ADGRL3: variants seen among roughly 807,000 people sequenced by gnomAD.
ADGRL3 encodes the protein calcium-independent alpha-latrotoxin receptor 3.
A neutral mutation model predicts 153.5 loss-of-function variants in ADGRL3; 62 were observed. The ratio of observed to expected loss-of-function variants is 0.40; its 90% confidence interval spans 0.33 to 0.50. The LOEUF (loss-of-function observed/expected upper bound fraction) is 0.50. Among genes scored for constraint, ADGRL3 ranks in the 20% least tolerant of loss-of-function variants. The pLI, the probability that ADGRL3 is intolerant of heterozygous loss-of-function variation, is 0.47. For missense variants in ADGRL3, 1,641 were observed against 1,859.4 expected (o/e 0.88, Z 2.16); for synonymous variants, 710 against 672.5 (o/e 1.06, Z -0.86).
intron 5 of ADGRL3, among the ~76,000 whole-genome samples, chr4:61,607,125 G>C (rs1043253618): frequency 3.3e-5 from 5 of 152,078 alleles, no homozygotes; most frequent in Non-Finnish European, 5.9e-5. Context: ...TTGGTGGGTG[G>C]GGGACTAGGG....
intron 8 of ADGRL3, among the ~76,000 whole-genome samples, chr4:61,785,782 T>C (rs1201059130): frequency 6.6e-6 from 1 of 152,244 alleles, no homozygotes; most frequent in Non-Finnish European, 1.5e-5. Context: ...GCTTGATTAT[T>C]CTTAATGGTT....
chr4:61,456,495 CTATATCTA>C (rs2097757364), intron 2 of ADGRL3, among the ~76,000 whole-genome samples: 4 of 77,276 alleles, frequency 5.2e-5, no homozygotes, highest in Non-Finnish European at 8.6e-5. Context: ...ATAGATATAT[CTATATCTA>C]TATATATATA....
At chr4:61,845,578 C>T (rs542527789) in intron 9 of ADGRL3, among the ~76,000 whole-genome samples, 54 of 150,416 alleles carry the variant, frequency 3.6e-4, no homozygotes, top group Admixed American at 4.6e-4. Context: ...GTTGCCCAGG[C>T]AGGCCCTGAA....
At chr4:61,928,030 A>T (rs180989087) in intron 13 of ADGRL3, among the ~76,000 whole-genome samples, 10 of 150,812 alleles carry the variant, frequency 6.6e-5, no homozygotes, top group Non-Finnish European at 1.3e-4. Context: ...ATGTAACTGT[A>T]TATATAATAT....
At chr4:61,260,148 T>C (rs1013794905) in intron 1 of ADGRL3, among the ~76,000 whole-genome samples, 4 of 152,214 alleles carry the variant, frequency 2.6e-5, no homozygotes, top group Non-Finnish European at 5.9e-5. Context: ...GATGGTTTCA[T>C]TGAATAATAA....
intron 1 of ADGRL3, among the ~76,000 whole-genome samples, chr4:61,312,283 A>G (rs866173562): frequency 9.9e-5 from 15 of 152,184 alleles, no homozygotes; most frequent in African/African-American, 3.6e-4. Flanking sequence ...TCAAAGGTGG[A>G]TCAAGACCTA....
intron 1 of ADGRL3, among the ~76,000 whole-genome samples, chr4:61,238,441 TG>T (rs1397650903): frequency 8.3e-6 from 1 of 120,710 alleles, no homozygotes; most frequent in Non-Finnish European, 1.9e-5. Flanking sequence ...TTCTAATGTG[TG>T]GTGTGTGTGT....
chr4:61,904,439 C>T (rs956363514), intron 11 of ADGRL3, among the ~76,000 whole-genome samples: 5 of 151,984 alleles, frequency 3.3e-5, no homozygotes, highest in African/African-American at 1.2e-4. Context: ...GTGAGCCATT[C>T]GCCTGGCCTT....
At chr4:61,270,433 T>C (rs2093102649) in intron 1 of ADGRL3, among the ~76,000 whole-genome samples, 1 of 151,796 alleles carries the variant, frequency 6.6e-6, no homozygotes, top group Admixed American at 6.6e-5. Flanking sequence ...AATAATACTA[T>C]TTGTTTACTT....
intron 9 of ADGRL3, among the ~76,000 whole-genome samples, chr4:61,821,424 T>G (rs1162637695): frequency 6.6e-6 from 1 of 151,896 alleles, no homozygotes; most frequent in Non-Finnish European, 1.5e-5. Context: ...GTGCAATGGC[T>G]TGATCTCGTC....
At chr4:62,034,254 A>T (rs892612940) in intron 23 of ADGRL3, among the ~76,000 whole-genome samples, 4 of 151,902 alleles carry the variant, frequency 2.6e-5, no homozygotes, top group Middle Eastern at 3.4e-3. Flanking sequence ...TACATTTTCA[A>T]TACATAAAGT....
At chr4:61,575,732 A>G (rs918056107) in intron 4 of ADGRL3, among the ~76,000 whole-genome samples, 11 of 152,096 alleles carry the variant, frequency 7.2e-5, no homozygotes, top group Middle Eastern at 3.4e-3. Context: ...GTATTTCTCA[A>G]CCACCATTTT....
chr4:61,865,831 C>T (rs6551664), intron 9 of ADGRL3, among the ~76,000 whole-genome samples: 2,957 of 152,240 alleles, frequency 0.019, 98 homozygotes, highest in African/African-American at 0.066. Flanking sequence ...TCTTAAGTGA[C>T]TGTCTTTGAC....
chr4:62,002,590 G>A (rs1302254923), intron 21 of ADGRL3, among the ~76,000 whole-genome samples: 1 of 151,488 alleles, frequency 6.6e-6, no homozygotes, highest in Non-Finnish European at 1.5e-5. Context: ...AAGTAATATA[G>A]GTAATATGAT....
chr4:61,323,402 T>G (rs1314925469), intron 1 of ADGRL3, among the ~76,000 whole-genome samples: 8 of 151,812 alleles, frequency 5.3e-5, no homozygotes, highest in African/African-American at 1.9e-4. Context: ...AATATGGATT[T>G]TTTTTTCTAT....
chr4:61,228,697 T>A (rs1749081521), intron 1 of ADGRL3, among the ~76,000 whole-genome samples: 1 of 152,222 alleles, frequency 6.6e-6, no homozygotes, highest in Non-Finnish European at 1.5e-5. Flanking sequence ...GAACTTACAC[T>A]GCAGCATAAA....
chr4:61,367,032 C>T (rs2096410705), intron 1 of ADGRL3, among the ~76,000 whole-genome samples: 1 of 152,040 alleles, frequency 6.6e-6, no homozygotes, highest in Non-Finnish European at 1.5e-5. Context: ...CTTTTGAAAT[C>T]TAAATATATA....
At chr4:61,953,792 T>C (rs2098956238) in intron 17 of ADGRL3, among the ~76,000 whole-genome samples, 1 of 152,212 alleles carries the variant, frequency 6.6e-6, no homozygotes, top group African/African-American at 2.4e-5. Context: ...TGTCCTGTTA[T>C]AAAGATCAGA....
chr4:61,455,636 T>G (rs1475909571), intron 2 of ADGRL3, among the ~76,000 whole-genome samples: 1 of 151,988 alleles, frequency 6.6e-6, no homozygotes, highest in African/African-American at 2.4e-5. Flanking sequence ...TACTGAACTC[T>G]GCTATTCTAT....
Sources: gnomAD v4.1 joint callset for allele counts (sites outside exome capture counted in the v4.1 genomes callset) on GRCh38, gnomAD v4.1.1 for gene constraint, MANE v1.5 for transcripts, NCBI Gene and HGNC (gene_info 2026-07-23, HGNC 2026-07-21) for gene names.